Variants in TRAPPC9 observed in about 807,000 individuals in gnomAD.
The protein encoded by TRAPPC9 is IKK2 binding protein.
A neutral mutation model predicts 124.0 loss-of-function variants in TRAPPC9; 83 were observed. The observed-to-expected ratio is 0.67, with a 90% CI of 0.56 to 0.80. The LOEUF (loss-of-function observed/expected upper bound fraction) is 0.80. Among genes scored for constraint, TRAPPC9 ranks in the 30% least tolerant of loss-of-function variants. TRAPPC9 has a pLI of 0.00. For synonymous variants in TRAPPC9, 638 were observed against 617.5 expected (o/e 1.03, Z -0.49); for missense variants, 1,302 against 1,508.3 (o/e 0.86, Z 2.27).
chr8:140,005,129 T>C (rs1463035490), intron 18 of TRAPPC9, among the ~76,000 whole-genome samples: 1 of 152,232 alleles, frequency 6.6e-6, no homozygotes, highest in African/African-American at 2.4e-5. Flanking sequence ...GCCACACTGC[T>C]ATGGAGCTTC....
intron 21 of TRAPPC9, among the ~76,000 whole-genome samples, chr8:139,746,987 CAGA>C (rs1394174358): frequency 1.4e-4 from 22 of 152,292 alleles, no homozygotes; most frequent in Admixed American, 6.5e-4. Flanking sequence ...GAAGATAAAC[CAGA>C]AGAAAAAGAA....
intron 17 of TRAPPC9, among the ~76,000 whole-genome samples, chr8:140,161,761 G>A (rs528591071): frequency 7.2e-5 from 11 of 152,164 alleles, no homozygotes; most frequent in Admixed American, 2.6e-4. Context: ...AGAGAGGCAC[G>A]GCAATGGCTC....
intron 19 of TRAPPC9, among the ~76,000 whole-genome samples, chr8:139,958,796 C>A (rs1486980828): frequency 1.3e-5 from 2 of 152,214 alleles, no homozygotes; most frequent in Non-Finnish European, 2.9e-5. Context: ...TTCCTTTCCA[C>A]AAGGAAAAGG....
intron 21 of TRAPPC9, among the ~76,000 whole-genome samples, chr8:139,798,131 G>A (rs1465460318): frequency 6.6e-6 from 1 of 152,174 alleles, no homozygotes; most frequent in Non-Finnish European, 1.5e-5. Context: ...TCCAATCCAT[G>A]AACACAGGGT....
chr8:140,053,678 T>G (rs1356566632), intron 17 of TRAPPC9, among the ~76,000 whole-genome samples: 1 of 152,246 alleles, frequency 6.6e-6, no homozygotes, highest in Non-Finnish European at 1.5e-5. Flanking sequence ...CTCCTGTTAC[T>G]GTGTTGCTGT....
intron 20 of TRAPPC9, among the ~76,000 whole-genome samples, chr8:139,900,415 C>A (rs1830948010): frequency 6.6e-6 from 1 of 152,230 alleles, no homozygotes; most frequent in Non-Finnish European, 1.5e-5. Flanking sequence ...GAGCACGCAT[C>A]CTGTCCTTGC....
intron 21 of TRAPPC9, among the ~76,000 whole-genome samples, chr8:139,752,544 C>A (rs548477165): frequency 1.3e-5 from 2 of 151,666 alleles, no homozygotes; most frequent in South Asian, 4.2e-4. Flanking sequence ...ATCCATCCAC[C>A]ATCCATCTAT....
intron 18 of TRAPPC9, among the ~76,000 whole-genome samples, chr8:140,020,931 T>C (rs1037101870): frequency 6.6e-6 from 1 of 152,222 alleles, no homozygotes. Flanking sequence ...GATATTAAGA[T>C]ACCCAAACCA....
At chr8:140,388,327 C>T (rs371033527) in intron 7 of TRAPPC9, among the ~76,000 whole-genome samples, 45 of 145,842 alleles carry the variant, frequency 3.1e-4, no homozygotes, top group East Asian at 1.2e-3. Context: ...TGTATACATA[C>T]GTAACAAACC....
At chr8:139,817,532 C>T (rs758253253) in intron 21 of TRAPPC9, among the ~76,000 whole-genome samples, 2 of 152,234 alleles carry the variant, frequency 1.3e-5, no homozygotes. Context: ...GCAGCCGCAG[C>T]GTGCCCTCCT....
At chr8:139,737,468 C>CCCG (rs1009934281) in intron 21 of TRAPPC9, among the ~76,000 whole-genome samples, 1 of 87,838 alleles carries the variant, frequency 1.1e-5, no homozygotes, top group African/African-American at 4.3e-5. Context: ...ATCAGCCCTC[C>CCCG]CCCCCCCCCC....
intron 17 of TRAPPC9, among the ~76,000 whole-genome samples, chr8:140,107,038 T>G (rs1479844304): frequency 1.3e-5 from 2 of 152,118 alleles, no homozygotes; most frequent in Admixed American, 6.5e-5. Context: ...AGAGAGGAGA[T>G]TTTGCGTGTG....
intron 16 of TRAPPC9, among the ~76,000 whole-genome samples, chr8:140,223,173 A>T (rs113064832): frequency 1.3e-5 from 2 of 150,760 alleles, no homozygotes; most frequent in Non-Finnish European, 3.0e-5. Context: ...CCCTCCCCTC[A>T]CTCCACCCCA....
At chr8:139,952,942 C>T (rs2126300) in intron 19 of TRAPPC9, among the ~76,000 whole-genome samples, 55,407 of 152,128 alleles carry the variant, frequency 0.36, 11,947 homozygotes, top group Non-Finnish European at 0.48. Flanking sequence ...CAAGACCCCA[C>T]GGCTTGTCAG....
chr8:139,840,875 G>A (rs1215767450), intron 21 of TRAPPC9, among the ~76,000 whole-genome samples: 1 of 152,190 alleles, frequency 6.6e-6, no homozygotes, highest in East Asian at 1.9e-4. Flanking sequence ...TTCTATGGCT[G>A]CCTCACTCTG....
At chr8:140,213,955 C>T (rs887521636) in intron 17 of TRAPPC9, among the ~76,000 whole-genome samples, 3 of 152,226 alleles carry the variant, frequency 2.0e-5, no homozygotes, top group African/African-American at 7.2e-5. Context: ...CCTGACTGTT[C>T]ACAGTCGTTC....
intron 14 of TRAPPC9, among the ~76,000 whole-genome samples, chr8:140,281,109 G>T (rs1404438396): frequency 1.3e-5 from 2 of 152,222 alleles, no homozygotes; most frequent in Non-Finnish European, 2.9e-5. Context: ...CTCGCACACA[G>T]GTTTCTGTGT....
intron 17 of TRAPPC9, among the ~76,000 whole-genome samples, chr8:140,072,475 G>A (rs564876807): frequency 2.4e-4 from 37 of 151,252 alleles, no homozygotes; most frequent in Middle Eastern, 3.4e-3. Context: ...CCGAGACTGC[G>A]CCACTGCACC....
chr8:140,196,728 C>T (rs1174206646), intron 17 of TRAPPC9, among the ~76,000 whole-genome samples: 3 of 150,986 alleles, frequency 2.0e-5, no homozygotes, highest in South Asian at 4.2e-4. Context: ...CGATCCACTA[C>T]ACAGCTTGCA....
Sources: allele counts gnomAD v4.1 joint callset (sites outside exome capture counted in the v4.1 genomes callset), GRCh38; gene constraint gnomAD v4.1.1; transcripts MANE v1.5; gene names NCBI Gene and HGNC (gene_info 2026-07-23, HGNC 2026-07-21).